Variants in GOT2 observed in about 807,000 individuals in gnomAD.
GOT2 encodes aspartate aminotransferase, mitochondrial.
A neutral mutation model predicts 50.0 loss-of-function variants in GOT2; 17 were observed. The observed-to-expected ratio is 0.34, with a 90% confidence interval of 0.23 to 0.51. The LOEUF (loss-of-function observed/expected upper bound fraction) is 0.51. Ranked by LOEUF, GOT2 falls within the 20% of genes least tolerant of loss-of-function variation. The pLI is 0.97. For missense variants in GOT2, 430 were observed against 559.6 expected (o/e 0.77, Z 2.34); for synonymous variants, 172 against 204.9 (o/e 0.84, Z 1.37).
intron 1 of GOT2, among the ~76,000 whole-genome samples, chr16:58,727,304 C>T (rs192959820): frequency 1.3e-5 from 2 of 152,156 alleles, no homozygotes; most frequent in Non-Finnish European, 2.9e-5. Flanking sequence ...ACAAAGTTTG[C>T]CCAATCTTGA....
At chr16:58,709,326 T>A (rs1246343784) in intron 9 of GOT2, 91 bp downstream of exon 9, 4 of 1,085,618 alleles carry the variant, frequency 3.7e-6, no homozygotes, top group South Asian at 3.5e-5. Context: ...CCGAAAACAT[T>A]AAATAAAAAA....
chr16:58,718,226 T>C lies in GOT2; in HGVS notation c.672A>G (p.Glu224=), dbSNP rs199909278. 1 of 1,613,790 alleles carries C rather than the reference T, an allele frequency of 6.2e-7. No homozygotes were observed. Among genetic ancestry groups the C allele is most frequent in the Non-Finnish European group, 8.5e-7 (1 of 1,179,634 alleles). The part of the protein sequence containing the change: ...HNPTGVDPRP[E]QWKEIATVVK... The stretch of plus-strand genomic sequence containing the variant: ...CCACTGTTGCTATTTCCTTCCACTG[T>C]TCCGGACGCGGGTCCACTCCCGTGG... The change falls in exon 6 of 10, where the codon GAA becomes GAG. Residue 224 remains glutamate (E), a synonymous_variant. Coordinates refer to ENST00000245206, the MANE Select transcript of GOT2 (RefSeq NM_002080.4).
At chr16:58,715,328 A>T (rs949435402) in intron 8 of GOT2, among the ~76,000 whole-genome samples, 1 of 152,226 alleles carries the variant, frequency 6.6e-6, no homozygotes, top group Non-Finnish European at 1.5e-5. Flanking sequence ...GTTCTACTTA[A>T]CACGGAGATG....
intron 1 of GOT2, among the ~76,000 whole-genome samples, chr16:58,724,198 C>T (rs1044383177): frequency 1.3e-4 from 20 of 151,870 alleles, no homozygotes; most frequent in African/African-American, 2.2e-4. Flanking sequence ...AGTGATCCAC[C>T]GCACCCGGCC....
rs1429511526 is a variant in GOT2, at chr16:58,708,176, T to G, written c.1288A>C (p.Lys430Gln). Residue 430 changes from lysine to glutamine, a missense_variant, in exon 10 of 10, where the codon AAG becomes CAG. Transcript: ENST00000245206. The part of the protein sequence containing the change: ...YLAHAIHQVT[K>Q] ...GTTTCCTCGCACCAGGGACATTACT[T>G]GGTGACCTGGTGAATGGCATGGGCA... 1 of 1,614,000 alleles carries G rather than the reference T, an allele frequency of 6.2e-7. No homozygotes were observed. Among genetic ancestry groups the G allele is most frequent in the Non-Finnish European group, 8.5e-7 (1 of 1,179,932 alleles).
rs149183005 is a variant in GOT2 at position 58,716,201 on chromosome 16, C to T, written c.854-22G>A. On this transcript the variant is annotated intron_variant, in intron 7 of 9. Transcript: ENST00000245206. ...TCACCTGAAAGACAAAAATGGATCT[C>T]GTCTTCTACTTCTACTATCTAATGT... The T allele has an allele frequency of 6.5e-4, 1,038 of 1,608,670 alleles. 4 individuals carry two copies. The African/African-American group carries it at 0.011, about 17-fold the overall frequency.
In GOT2 at chr16:58,718,423, CT is replaced by C. The variant is rs1206576332; in HGVS notation, c.597+103del. On this transcript the variant is annotated intron_variant, in intron 5 of 9. Transcript: ENST00000245206. Reference sequence around the variant, plus strand: ...GTAACCAGAACCCTGGGAATCAGCTCTTCCCCAGTATTTTAACTCAGATATT... The same window carrying C: ...GTAACCAGAACCCTGGGAATCAGCTCTCCCCAGTATTTTAACTCAGATATT... 3 of 1,334,390 alleles carry C rather than the reference CT, an allele frequency of 2.2e-6. No homozygotes were observed. In the Admixed American group the frequency reaches 5.9e-5, roughly 26 times the overall value. 82.7% of individuals were successfully genotyped at this position (1,334,390 alleles called of 1,614,324 possible).
chr16:58,711,906 T>G (rs1172441037), intron 8 of GOT2, among the ~76,000 whole-genome samples: 1 of 152,042 alleles, frequency 6.6e-6, no homozygotes, highest in Non-Finnish European at 1.5e-5. Context: ...TCAACCAGGG[T>G]GCTTCACGAT....
Position 58,714,743 on chromosome 16 carries a change from C to T in GOT2, c.1019+1271G>A, listed in dbSNP as rs927155951. The stretch of plus-strand genomic sequence containing the variant: ...AAAAAACAAAACAAAACAAAAAACT[C>T]GAGTAAAGCACATGAAGCCTTTAGT... On this transcript the variant is annotated intron_variant, in intron 8 of 9. Coordinates refer to ENST00000245206, the MANE Select transcript of GOT2 (RefSeq NM_002080.4). 9.9e-5 allele frequency among the ~76,000 whole-genome samples: 15 copies of T among 151,836 alleles called. No individual in the cohort carries two copies. In the South Asian group the frequency reaches 1.5e-3, roughly 15 times the overall value.
chr16:58,729,535 A>G (rs978622464), intron 1 of GOT2, among the ~76,000 whole-genome samples: 1 of 151,658 alleles, frequency 6.6e-6, no homozygotes, highest in African/African-American at 2.4e-5. Context: ...AGAAAAAACA[A>G]TGGTCTGTAT....
At position 58,726,483 on chromosome 16, in the gene GOT2, C is replaced by CTTTA. The variant is rs56257846; in HGVS notation, c.90-2585_90-2582dup. On this transcript the variant is annotated intron_variant, in intron 1 of 9. Transcript: ENST00000245206. ...ACAGGCGTGAGCCGCCCCCGGCCTG[C>CTTTA]TTTATTTATTTATTTATTTATTTAT... 3.8e-3 allele frequency among the ~76,000 whole-genome samples: 553 copies of CTTTA among 144,628 alleles called. 5 individuals carry two copies. In the East Asian group the frequency reaches 0.039, roughly 10 times the overall value. 94.9% of individuals were successfully genotyped at this position (144,628 alleles called of 152,430 possible).
At position 58,717,200 on chromosome 16, in the gene GOT2, G is replaced by A. The variant is rs1051542191; in HGVS notation, c.703-387C>T. 1.2e-4 allele frequency among the ~76,000 whole-genome samples: 19 copies of A among 152,080 alleles called. 1 individual carries two copies. Among genetic ancestry groups the A allele is most frequent in the Non-Finnish European group, 2.4e-4 (16 of 68,010 alleles). ...ATCAGCCTGGGCAACAAAGTGAGAT[G>A]CTGTCTCTGTGAAAAATAGGAAGAA... is the stretch of plus-strand genomic sequence containing the variant. On this transcript the variant is annotated intron_variant, in intron 6 of 9. Coordinates refer to ENST00000245206, the MANE Select transcript of GOT2 (RefSeq NM_002080.4).
intron 2 of GOT2, 114 bp downstream of exon 2, chr16:58,723,632 G>T (rs548389000): frequency 1.2e-6 from 1 of 832,500 alleles, no homozygotes. Context: ...TGCCATTAGT[G>T]CCAGAACTAA....
Position 58,725,654 on chromosome 16 carries a change from G to C in GOT2, c.90-1752C>G, listed in dbSNP as rs150951673. ...TCTTTCTTTGTTGCCACTTTAAGGA[G>C]GTATAAAAGGGATACATGTGGCTGT... On this transcript the variant is annotated intron_variant, in intron 1 of 9. Coordinates refer to ENST00000245206, the MANE Select transcript of GOT2 (RefSeq NM_002080.4). Among the ~76,000 whole-genome samples, 719 of 152,268 alleles carry C rather than the reference G, an allele frequency of 4.7e-3. 7 individuals are homozygous for C. The highest frequency in any genetic ancestry group is 0.017 in the African/African-American group (690 of 41,538).
At chr16:58,714,333 T>C (rs1391897480) in intron 8 of GOT2, among the ~76,000 whole-genome samples, 1 of 152,070 alleles carries the variant, frequency 6.6e-6, no homozygotes, top group Non-Finnish European at 1.5e-5. Flanking sequence ...GGTGGTTCAC[T>C]TGATGCCAGG....
intron 8 of GOT2, among the ~76,000 whole-genome samples, chr16:58,711,979 G>A (rs1367391567): frequency 6.6e-6 from 1 of 151,886 alleles, no homozygotes; most frequent in Non-Finnish European, 1.5e-5. Context: ...TTTTCATCAC[G>A]AAAACAACTT....
intron 8 of GOT2, among the ~76,000 whole-genome samples, chr16:58,715,554 T>A (rs1021393931): frequency 6.6e-6 from 1 of 152,066 alleles, no homozygotes; most frequent in Non-Finnish European, 1.5e-5. Context: ...TATCTATCTA[T>A]CTATATATAT....
Position 58,708,001 on chromosome 16 carries a change from G to GTTCTT in GOT2, c.*169_*170insAAGAA, listed in dbSNP as rs2044617057. ...CCAGCCATGGATGCCTCTGCCCTGT[G>GTTCTT]TCACTACATGTTCTTTTCTGAGAAA... On this transcript the variant is annotated 3_prime_UTR_variant, in exon 10 of 10. Coordinates refer to ENST00000245206, the MANE Select transcript of GOT2 (RefSeq NM_002080.4). 1.7e-6 allele frequency: 1 copy of GTTCTT among 587,962 alleles called. No homozygotes were observed. The highest frequency in any genetic ancestry group is 2.8e-6 in the Non-Finnish European group (1 of 355,100). 36.4% of individuals were successfully genotyped at this position (587,962 alleles called of 1,614,324 possible). A position where few individuals can be genotyped will look rare whatever the true frequency, so the allele number is the denominator to read the frequency against.
At chr16:58,727,238 C>T (rs2044794358) in intron 1 of GOT2, among the ~76,000 whole-genome samples, 2 of 152,190 alleles carry the variant, frequency 1.3e-5, no homozygotes, top group Admixed American at 1.3e-4. Context: ...AAGCCATCCT[C>T]CCACCTCAGC....
Sources: allele counts gnomAD v4.1 joint callset (sites outside exome capture counted in the v4.1 genomes callset), GRCh38; gene constraint gnomAD v4.1.1; transcripts MANE v1.5; gene names NCBI Gene and HGNC (gene_info 2026-07-23, HGNC 2026-07-21).